Variants in BIRC6 observed in about 807,000 individuals in gnomAD.
BIRC6 encodes the protein baculoviral IAP repeat containing 6.
Under a neutral mutation model 503.3 loss-of-function variants are expected in BIRC6, and 98 were observed. The observed-to-expected ratio is 0.19, with a 90% confidence interval of 0.17 to 0.23. The LOEUF (loss-of-function observed/expected upper bound fraction) is 0.23, where lower values mean the gene tolerates loss of function less well. Among genes scored for constraint, BIRC6 ranks in the 10% least tolerant of loss-of-function variants. BIRC6 has a pLI of 1.00. For synonymous variants in BIRC6, 2,240 were observed against 2,078.7 expected, an observed-to-expected ratio of 1.08 and a Z score of -2.11; for missense variants, 5,360 against 5,806.0, an observed-to-expected ratio of 0.92 and a Z score of 2.50.
At chr2:32,404,380 C>T (rs1353092871) in intron 8 of BIRC6, among the ~76,000 whole-genome samples, 3 of 151,474 alleles carry the variant, frequency 2.0e-5, no homozygotes, top group South Asian at 2.1e-4. Flanking sequence ...TGCAGTGGTG[C>T]GATCCTGGTT....
intron 23 of BIRC6, among the ~76,000 whole-genome samples, chr2:32,455,223 C>CA (rs918498817): frequency 1.7e-4 from 26 of 151,082 alleles, no homozygotes; most frequent in African/African-American, 6.1e-4. Context: ...CTAAAAAATA[C>CA]AAAAAAAATT....
chr2:32,583,621 C>A (rs915270185), intron 66 of BIRC6, among the ~76,000 whole-genome samples: 1 of 152,124 alleles, frequency 6.6e-6, no homozygotes, highest in African/African-American at 2.4e-5. Context: ...TCAGGATTTT[C>A]TTCAGAAATT....
chr2:32,455,513 G>C (rs922014470), intron 23 of BIRC6, among the ~76,000 whole-genome samples: 1 of 152,102 alleles, frequency 6.6e-6, no homozygotes, highest in African/African-American at 2.4e-5. Flanking sequence ...TGTAGTCCCA[G>C]CTTCTTGGGA....
intron 65 of BIRC6, among the ~76,000 whole-genome samples, chr2:32,572,741 A>C (rs1184185130): frequency 6.6e-6 from 1 of 152,188 alleles, no homozygotes; most frequent in Non-Finnish European, 1.5e-5. Context: ...TGTGGAAACA[A>C]GGGGAAACAA....
At chr2:32,512,874 A>T (rs186941788) in intron 53 of BIRC6, 59 bp from the exon 54 acceptor site, 1 of 1,311,330 alleles carries the variant, frequency 7.6e-7, no homozygotes, top group Non-Finnish European at 1.1e-6. Flanking sequence ...GTATTTATCT[A>T]TATGAAATGC....
At chr2:32,541,189 C>T (rs1377824700) in intron 61 of BIRC6, among the ~76,000 whole-genome samples, 1 of 152,008 alleles carries the variant, frequency 6.6e-6, no homozygotes, top group African/African-American at 2.4e-5. Context: ...AAACTATCTT[C>T]TGTGCAGCAT....
chr2:32,556,869 G>A (rs1405692123), intron 65 of BIRC6, among the ~76,000 whole-genome samples: 2 of 152,088 alleles, frequency 1.3e-5, no homozygotes, highest in South Asian at 2.1e-4. Context: ...AAGCCGGGAG[G>A]CAGAGGTTGC....
At chr2:32,366,536 G>A (rs2034956091) in intron 1 of BIRC6, among the ~76,000 whole-genome samples, 1 of 152,060 alleles carries the variant, frequency 6.6e-6, no homozygotes, top group Admixed American at 6.6e-5. Flanking sequence ...CCTTAGGAAT[G>A]TTGGCTATAA....
chr2:32,502,786 AT>A lies in BIRC6; in HGVS notation c.9208-3del, dbSNP rs2053350607. ...TATAAAGTCATAATATGCATATTTC[AT>A]TTTTTAGGGCTCTCTTGCTACTTGC... On this transcript the variant is annotated splice_polypyrimidine_tract_variant and splice_region_variant and intron_variant, in intron 47 of 73. Transcript: ENST00000421745. The A allele has an allele frequency of 1.2e-6, 2 of 1,602,236 alleles. No homozygotes were observed. Among genetic ancestry groups the A allele is most frequent in the East Asian group, 2.2e-5 (1 of 44,710 alleles).
At chr2:32,403,493 G>C (rs184333938) in intron 8 of BIRC6, among the ~76,000 whole-genome samples, 99 of 152,178 alleles carry the variant, frequency 6.5e-4, no homozygotes, top group Admixed American at 1.5e-3. Context: ...TCTGAATTAA[G>C]GAAGAAGATA....
intron 3 of BIRC6, among the ~76,000 whole-genome samples, chr2:32,384,016 T>C (rs2038080008): frequency 6.6e-6 from 1 of 152,192 alleles, no homozygotes; most frequent in African/African-American, 2.4e-5. Context: ...TTTGACTATT[T>C]ATTCAGTGGC....
intron 72 of BIRC6, among the ~76,000 whole-genome samples, chr2:32,609,898 G>T (rs1438387597): frequency 6.6e-6 from 1 of 152,118 alleles, no homozygotes; most frequent in Admixed American, 6.6e-5. Context: ...TTAGAACCTA[G>T]CTTGCGTTAA....
At chr2:32,430,265 A>G (rs1307990719) in intron 11 of BIRC6, among the ~76,000 whole-genome samples, 1 of 152,222 alleles carries the variant, frequency 6.6e-6, no homozygotes, top group East Asian at 1.9e-4. Context: ...TGATGTGAAT[A>G]CATGTATAGC....
rs748438968 is a variant in BIRC6 at position 32,476,278 on chromosome 2, A to G, written c.6786A>G (p.Gln2262=). Residue 2262 remains glutamine (Q), a synonymous_variant, in exon 34 of 74, where the codon CAA becomes CAG. Transcript: ENST00000421745. ...AACAGATGGAAAAAGAAAAAATACA[A>G]AGTAACAAAGGATCATCATATAAAC... ...LVEQMEKEKI[Q]SNKGSSYKLL... is the part of the protein sequence containing the mutation. 2.5e-5 allele frequency: 39 copies of G among 1,562,722 alleles called. No individual in the cohort carries two copies. Among genetic ancestry groups the G allele is most frequent in the African/African-American group, 4.1e-5 (3 of 73,788 alleles).
At chr2:32,462,123 A>T (rs558308914) in intron 23 of BIRC6, among the ~76,000 whole-genome samples, 23 of 152,194 alleles carry the variant, frequency 1.5e-4, no homozygotes, top group African/African-American at 5.3e-4. Flanking sequence ...AATTGTAGTT[A>T]TTCTTTAAAA....
intron 31 of BIRC6, 104 bp downstream of exon 31, chr2:32,470,405 T>G (rs1195064182): frequency 1.2e-5 from 14 of 1,131,550 alleles, no homozygotes; most frequent in Non-Finnish European, 3.6e-6. Flanking sequence ...TTGCAGCACA[T>G]TTAATATTTT....
chr2:32,439,567 G>A lies in BIRC6; in HGVS notation c.3691G>A (p.Gly1231Arg), dbSNP rs1320992477. 1 of 1,613,778 alleles carries A rather than the reference G, an allele frequency of 6.2e-7. No homozygotes were observed. Among genetic ancestry groups the A allele is most frequent in the African/African-American group, 1.3e-5 (1 of 74,930 alleles). Residue 1231 changes from glycine (G) to arginine (R), a missense_variant, in exon 16 of 74, where the codon GGA (glycine) becomes AGA (arginine). Around this residue, in one of 16 missense-constraint regions of BIRC6, gnomAD observed 2,299 missense variants for 2,267.2 expected, o/e 1.01. Transcript: ENST00000421745. The stretch of plus-strand genomic sequence containing the variant: ...CCATGTCAAGGCAGTGAATGAAAGA[G>A]GAACAGAAGAGATTTGTAATGGTGG... ...LIHVKAVNER[G>R]TEEICNGGMR...
chr2:32,612,809 T>C (rs1200286667), intron 73 of BIRC6, among the ~76,000 whole-genome samples: 1 of 152,218 alleles, frequency 6.6e-6, no homozygotes, highest in East Asian at 1.9e-4. Context: ...TTTTTCACTA[T>C]AAAAATGTTT....
At chr2:32,556,020 G>C (rs1373943464) in intron 65 of BIRC6, among the ~76,000 whole-genome samples, 10 of 151,602 alleles carry the variant, frequency 6.6e-5, no homozygotes, top group African/African-American at 2.4e-4. Context: ...ACAGTTAGCT[G>C]AGCAGTACCA....
Sources: allele counts gnomAD v4.1 joint callset (sites outside exome capture counted in the v4.1 genomes callset), GRCh38; gene constraint gnomAD v4.1.1; regional missense constraint gnomAD v4.1.1; transcripts MANE v1.5; gene names NCBI Gene and HGNC (gene_info 2026-07-23, HGNC 2026-07-21).